The following CLPTM1 variants were observed in gnomAD, a reference collection of about 807,000 sequenced individuals.
The protein encoded by CLPTM1 is CLPTM1 regulator of GABA type A receptor forward trafficking, also known as putative lipid scramblase CLPTM1.
In CLPTM1, 21 loss-of-function variants were observed where a neutral mutation model predicts 77.3. The ratio of observed to expected loss-of-function variants is 0.27; its 90% CI spans 0.19 to 0.39. The LOEUF (loss-of-function observed/expected upper bound fraction) is 0.39. Ranked by LOEUF, CLPTM1 falls within the 10% of genes least tolerant of loss-of-function variation. The pLI is 1.00. For synonymous variants in CLPTM1, 373 were observed against 381.0 expected, an observed-to-expected ratio of 0.98 and a Z score of 0.24; for missense variants, 642 against 921.2, an observed-to-expected ratio of 0.70 and a Z score of 3.92.
upstream of CLPTM1, chr19:44,955,097 T>A: frequency 6.5e-7 from 1 of 1,535,600 alleles, no homozygotes; most frequent in Non-Finnish European, 8.7e-7. Context: ...CGGGTTAATG[T>A]GAAGGGACGG....
intron 4 of CLPTM1, 146 bp from the exon 5 acceptor site, chr19:44,977,197 C>G: frequency 1.5e-6 from 1 of 674,974 alleles, no homozygotes; most frequent in Non-Finnish European, 2.7e-6. Context: ...CTCTGCCACC[C>G]AGCTACATGC....
intron 7 of CLPTM1, 165 bp from the exon 8 acceptor site, chr19:44,987,014 C>A: frequency 2.2e-6 from 2 of 893,170 alleles, no homozygotes; most frequent in Non-Finnish European, 3.4e-6. Flanking sequence ...GTCCCCTCTG[C>A]TGAGGTCAAG....
Position 44,992,941 on chromosome 19 carries a change from C to A in CLPTM1, c.*44C>A. ...TGCTCCGGCTCCTGGCGACCACTAC[C>A]CCTGCGTCCCGGCCCCCTCGCCTCC... On this transcript the variant is annotated 3_prime_UTR_variant, in exon 14 of 14. Coordinates refer to ENST00000337392, the MANE Select transcript of CLPTM1 (RefSeq NM_001294.4). The surrounding 1 kb of genome is among the most constrained non-coding windows in gnomAD (Gnocchi z 7.7). 6.3e-7 allele frequency: 1 copy of A among 1,589,970 alleles called. No homozygotes were observed. The highest frequency in any genetic ancestry group is 8.6e-7 in the Non-Finnish European group (1 of 1,169,126).
intron 2 of CLPTM1, among the ~76,000 whole-genome samples, chr19:44,967,085 C>T (rs542665285): frequency 4.3e-4 from 66 of 152,268 alleles, no homozygotes; most frequent in Middle Eastern, 3.4e-3. Flanking sequence ...TCGCTATCCA[C>T]GCACCTCGGG....
rs1232724131 is a variant in CLPTM1 at position 44,990,186 on chromosome 19, C to G, written c.1133-209C>G. 1 of 584,686 alleles carries G rather than the reference C, an allele frequency of 1.7e-6. No homozygotes were observed. The highest frequency in any genetic ancestry group is 1.9e-5 in the African/African-American group (1 of 53,602). 36.2% of individuals were successfully genotyped at this position (584,686 alleles called of 1,614,324 possible). ...TGGGTGCTGACGTCCTATGGGAGGG[C>G]TCCAGGGGTGCCGCCTGTCTGGTGC... On this transcript the variant is annotated intron_variant, in intron 9 of 13. Coordinates refer to ENST00000337392, the MANE Select transcript of CLPTM1 (RefSeq NM_001294.4). The surrounding 1 kb of genome is among the most constrained non-coding windows in gnomAD (Gnocchi z 4.8).
Position 44,962,042 on chromosome 19 carries a change from A to G in CLPTM1, c.152A>G (p.Asn51Ser), listed in dbSNP as rs545425237. Residue 51 changes from asparagine to serine, a missense_variant, in exon 2 of 14, where the codon AAT (asparagine) becomes AGT (serine). Transcript: ENST00000337392. ...AACCCACCGGCCCAGCCGGCACCCA[A>G]TGCCTGGCAGGTCATCAAAGGTGTG... ...PQNPPAQPAP[N>S]AWQVIKGVLF... 57 of 1,610,998 alleles carry G rather than the reference A, an allele frequency of 3.5e-5. 1 individual carries two copies. The South Asian group carries it at 4.4e-4, about 12-fold the overall frequency.
intron 1 of CLPTM1, 43 bp downstream of exon 1, chr19:44,955,510 G>A: frequency 7.9e-7 from 1 of 1,262,552 alleles, no homozygotes. Flanking sequence ...TTCCCCAGCC[G>A]GGGGGCCTCC....
rs147801301 is a variant in CLPTM1, at chr19:44,992,724, G to A, written c.1837G>A (p.Glu613Lys). ...CCCCACAGCTGCCGCCCCCGTGGCC[G>A]AGGTTCCCACAGCAGCAGGGGCCCT... ...EDPTAAAPVA[E>K]VPTAAGALTP... The change falls in exon 14 of 14, where the codon GAG becomes AAG. Residue 613 changes from glutamate (E) to lysine (K), a missense_variant. Glu to Lys is a moderately conservative substitution (Grantham distance 56). Around this residue, in one of 2 missense-constraint regions of CLPTM1, gnomAD observed 521 missense variants for 800.4 expected, o/e 0.65. Coordinates refer to ENST00000337392, the MANE Select transcript of CLPTM1 (RefSeq NM_001294.4). This position sits in a 1 kb window ranked among gnomAD's most constrained non-coding sequence, Gnocchi z 7.7. 241 of 1,613,364 alleles carry A rather than the reference G, an allele frequency of 1.5e-4. No homozygotes were observed. The Middle Eastern group carries it at 3.5e-3, about 23-fold the overall frequency.
chr19:44,967,522 C>T (rs533210029), intron 2 of CLPTM1, among the ~76,000 whole-genome samples: 4 of 152,102 alleles, frequency 2.6e-5, no homozygotes, highest in South Asian at 2.1e-4. Context: ...CCGGGCATGG[C>T]GGCTTATGCC....
Position 44,989,551 on chromosome 19 carries a change from AGAGCTCTGGGATGTGGGG to A in CLPTM1, c.1133-812_1133-795del, listed in dbSNP as rs556754480. Among the ~76,000 whole-genome samples, 1,410 of 151,996 alleles carry A rather than the reference AGAGCTCTGGGATGTGGGG, an allele frequency of 9.3e-3. 20 individuals carry two copies. The highest frequency in any genetic ancestry group is 0.031 in the African/African-American group (1,290 of 41,396). ...GTGGGGTGAGGCTATGGAGTGTGCC[AGAGCTCTGGGATGTGGGG>A]GAGCTCTGGGATGTGGGGGAGCTCT... is the stretch of plus-strand genomic sequence containing the variant. On this transcript the variant is annotated intron_variant, in intron 9 of 13. Coordinates refer to ENST00000337392, the MANE Select transcript of CLPTM1 (RefSeq NM_001294.4).
rs1248147539 is a variant in CLPTM1, at chr19:44,988,068, T to C, written c.1039-12T>C. ...GGTGGGGACAGGCTGTGCTCACATGTGTCCCCTGCAGGTGGCCCTGCTGGA... is the reference window on the plus strand; with the variant it reads ...GGTGGGGACAGGCTGTGCTCACATGCGTCCCCTGCAGGTGGCCCTGCTGGA... On this transcript the variant is annotated splice_polypyrimidine_tract_variant and intron_variant, in intron 8 of 13. Coordinates refer to ENST00000337392, the MANE Select transcript of CLPTM1 (RefSeq NM_001294.4). 2 of 1,600,798 alleles carry C rather than the reference T, an allele frequency of 1.2e-6. No homozygotes were observed. The highest frequency in any genetic ancestry group is 3.3e-5 in the Admixed American group (2 of 60,004).
In CLPTM1 at chr19:44,968,435, T is replaced by G. The variant is rs573551529; in HGVS notation, c.186-4652T>G. ...TTGATTATACGTCTTTTCATATATT[T>G]AAAAATGTTCTGAACCTGTGACTGT... On this transcript the variant is annotated intron_variant, in intron 2 of 13. Transcript: ENST00000337392. Among the ~76,000 whole-genome samples the G allele has an allele frequency of 7.2e-5, 11 of 152,260 alleles. No homozygotes were observed. In the South Asian group the frequency reaches 2.3e-3, roughly 32 times the overall value.
intron 4 of CLPTM1, among the ~76,000 whole-genome samples, chr19:44,974,937 T>A (rs1051884262): frequency 6.6e-6 from 1 of 152,236 alleles, no homozygotes; most frequent in Non-Finnish European, 1.5e-5. Flanking sequence ...TTCAAAATAA[T>A]ATTAGTTAAT....
chr19:44,968,412 G>A (rs1189751884), intron 2 of CLPTM1, among the ~76,000 whole-genome samples: 2 of 152,188 alleles, frequency 1.3e-5, no homozygotes, highest in Admixed American at 1.3e-4. Context: ...GGAGAGTTTT[G>A]ATTATACGTC....
intron 1 of CLPTM1, among the ~76,000 whole-genome samples, chr19:44,956,823 C>G (rs1007881507): frequency 4.6e-5 from 7 of 152,188 alleles, no homozygotes; most frequent in Non-Finnish European, 8.8e-5. Context: ...AGAGTTACCC[C>G]TTTGCCTTTA....
Position 44,988,128 on chromosome 19 carries a change from G to C in CLPTM1, c.1087G>C (p.Val363Leu). Residue 363 changes from valine to leucine, a missense_variant, in exon 9 of 14, where the codon GTG (valine) becomes CTG (leucine). Around this residue, in one of 2 missense-constraint regions of CLPTM1, gnomAD observed 521 missense variants for 800.4 expected, o/e 0.65. Transcript: ENST00000337392. ...CTACCTGCTGGCGCTCACCATCATC[G>C]TGTCTATCGTTCACAGTGTCTTCGA... is the stretch of plus-strand genomic sequence containing the variant. ...NPYLLALTII[V>L]SIVHSVFEFL... 6.2e-7 allele frequency: 1 copy of C among 1,614,112 alleles called. No individual in the cohort carries two copies. Among genetic ancestry groups the C allele is most frequent in the Non-Finnish European group, 8.5e-7 (1 of 1,179,992 alleles).
intron 6 of CLPTM1, 122 bp downstream of exon 6, chr19:44,985,425 A>G (rs1280677472): frequency 4.5e-6 from 3 of 673,204 alleles, no homozygotes; most frequent in South Asian, 1.7e-5. Flanking sequence ...CGGTCATGCC[A>G]CCTCCCCTCC....
intron 2 of CLPTM1, among the ~76,000 whole-genome samples, chr19:44,967,166 A>G (rs1970645938): frequency 6.6e-6 from 1 of 152,098 alleles, no homozygotes; most frequent in South Asian, 2.1e-4. Flanking sequence ...AAAAAACTAA[A>G]AAATTAGCTG....
At chr19:44,987,488 G>C in intron 8 of CLPTM1, 65 bp downstream of exon 8, 1 of 1,594,660 alleles carries the variant, frequency 6.3e-7, no homozygotes, top group Non-Finnish European at 8.5e-7. Context: ...CCAAGAGGAA[G>C]TGTGCCAGGC....
Sources: allele counts gnomAD v4.1 joint callset (sites outside exome capture counted in the v4.1 genomes callset), GRCh38; gene constraint gnomAD v4.1.1; regional missense constraint gnomAD v4.1.1; non-coding constraint Gnocchi (gnomAD v3.1); transcripts MANE v1.5; gene names NCBI Gene and HGNC (gene_info 2026-07-23, HGNC 2026-07-21).